The following TRAK2 variants were observed in gnomAD, a reference collection of about 807,000 sequenced individuals.
The protein encoded by TRAK2 is trafficking kinesin protein 2.
A neutral mutation model predicts 104.6 loss-of-function variants in TRAK2; 81 were observed. The observed-to-expected ratio is 0.77, with a 90% CI of 0.65 to 0.93. TRAK2 has a LOEUF of 0.93. TRAK2 is among the 40% of genes least tolerant of loss of function. The pLI, the probability that TRAK2 is intolerant of heterozygous loss-of-function variation, is 0.00. For synonymous variants in TRAK2, 406 were observed against 394.4 expected (o/e 1.03, Z -0.35); for missense variants, 1,002 against 1,089.0 (o/e 0.92, Z 1.12).
At chr2:201,384,058 G>A in intron 15 of TRAK2, 53 bp downstream of exon 15, 1 of 1,153,948 alleles carries the variant, frequency 8.7e-7, no homozygotes. Flanking sequence ...AGAAATTCAT[G>A]AAAATATAGC....
intron 12 of TRAK2, 70 bp from the exon 13 acceptor site, chr2:201,388,071 T>C (rs749751098): frequency 8.9e-6 from 13 of 1,457,444 alleles, no homozygotes; most frequent in Non-Finnish European, 1.2e-5. Context: ...CTCCTTTCTA[T>C]AATGGTAAGC....
chr2:201,451,139 G>A (rs1467141441), intron 1 of TRAK2, among the ~76,000 whole-genome samples: 1 of 152,220 alleles, frequency 6.6e-6, no homozygotes, highest in Non-Finnish European at 1.5e-5. Context: ...ACCGACGCCA[G>A]CGCCTAGCGC....
Position 201,411,766 on chromosome 2 carries a change from C to T in TRAK2, c.92-4169G>A. 4 of 788,350 alleles carry T rather than the reference C, an allele frequency of 5.1e-6. No homozygotes were observed. The South Asian group carries it at 5.4e-5, about 11-fold the overall frequency. 48.8% of individuals were successfully genotyped at this position (788,350 alleles called of 1,614,324 possible). On this transcript the variant is annotated intron_variant, in intron 2 of 15. Transcript: ENST00000332624. ...ATACCATCAAGTACCAACCACTTAT[C>T]CAAGTATTCCAAAATCTTTCCTAAG...
Position 201,410,628 on chromosome 2 carries a change from G to T in TRAK2, c.92-3031C>A, listed in dbSNP as rs1024367292. The stretch of plus-strand genomic sequence containing the variant: ...GTGGCTATGCAAAGTTCTGTGGGTT[G>T]AAGAAAGGATTACCCTGCATACCAA... On this transcript the variant is annotated intron_variant, in intron 2 of 15. Transcript: ENST00000332624. 25 of 1,295,390 alleles carry T rather than the reference G, an allele frequency of 1.9e-5. No homozygotes were observed. In the African/African-American group the frequency reaches 2.9e-4, roughly 15 times the overall value. 80.2% of individuals were successfully genotyped at this position (1,295,390 alleles called of 1,614,324 possible). A position where few individuals can be genotyped will look rare whatever the true frequency, so the allele number is the denominator to read the frequency against.
At chr2:201,441,945 G>A (rs1334261470) in intron 1 of TRAK2, among the ~76,000 whole-genome samples, 1 of 151,358 alleles carries the variant, frequency 6.6e-6, no homozygotes, top group Non-Finnish European at 1.5e-5. Flanking sequence ...ACCCACCTGG[G>A]CCTCCCAAAG....
At chr2:201,429,798 T>C (rs910558369) in intron 1 of TRAK2, among the ~76,000 whole-genome samples, 1 of 152,212 alleles carries the variant, frequency 6.6e-6, no homozygotes, top group Non-Finnish European at 1.5e-5. Context: ...TTCTTTGCGA[T>C]GGGTTCAAAC....
intron 2 of TRAK2, among the ~76,000 whole-genome samples, chr2:201,414,334 G>A (rs146766622): frequency 4.7e-4 from 71 of 152,282 alleles, no homozygotes; most frequent in Middle Eastern, 3.4e-3. Flanking sequence ...TTAAAATAGC[G>A]AAAGTACAGG....
In TRAK2 at chr2:201,441,064, G is replaced by A. The variant is rs186440519; in HGVS notation, c.-200+10286C>T. ...AATATCAATACACTGAGTTACAGAAGTAATTTAATGAACAAAGTTGATATT... is the reference window on the plus strand; with the variant it reads ...AATATCAATACACTGAGTTACAGAAATAATTTAATGAACAAAGTTGATATT... On this transcript the variant is annotated intron_variant, in intron 1 of 15. Coordinates refer to ENST00000332624, the MANE Select transcript of TRAK2 (RefSeq NM_015049.3). 3.3e-5 allele frequency among the ~76,000 whole-genome samples: 5 copies of A among 152,266 alleles called. No homozygotes were observed. The East Asian group carries it at 7.7e-4, about 23-fold the overall frequency.
chr2:201,393,034 G>T lies in TRAK2; in HGVS notation c.988C>A (p.Gln330Lys). 2 of 1,610,578 alleles carry T rather than the reference G, an allele frequency of 1.2e-6. No individual in the cohort carries two copies. The highest frequency in any genetic ancestry group is 1.7e-6 in the Non-Finnish European group (2 of 1,178,158). ...RQLTMELHEL[Q>K]DRNMECLGML... The stretch of plus-strand genomic sequence containing the variant: ...CCTAGACACTCCATATTCCTGTCTT[G>T]TAACTCGTGCAGCTAAAAGAAAGGA... The change falls in exon 10 of 16, where the codon CAA (glutamine) becomes AAA (lysine). Residue 330 changes from glutamine (Q) to lysine (K), a missense_variant. Physicochemically the swap from Gln to Lys is moderately conservative, Grantham distance 53. Transcript: ENST00000332624.
intron 2 of TRAK2, among the ~76,000 whole-genome samples, chr2:201,409,130 T>G (rs1214641657): frequency 6.6e-6 from 1 of 152,224 alleles, no homozygotes; most frequent in Non-Finnish European, 1.5e-5. Context: ...GTAAGTTACC[T>G]AAACTCTAAC....
chr2:201,445,497 A>C (rs923736689), intron 1 of TRAK2, among the ~76,000 whole-genome samples: 1 of 152,238 alleles, frequency 6.6e-6, no homozygotes, highest in African/African-American at 2.4e-5. Flanking sequence ...AAATCTAAGA[A>C]AATAAGATAG....
rs1202575678 is a variant in TRAK2, at chr2:201,442,283, C to T, written c.-200+9067G>A. On this transcript the variant is annotated intron_variant, in intron 1 of 15. Transcript: ENST00000332624. ...GTGGGCGCCTGTAGTCCCAGCTACT[C>T]GGGAGGCTGCGGCAGGAGAATGGCG... 4.0e-5 allele frequency among the ~76,000 whole-genome samples: 6 copies of T among 151,194 alleles called. No homozygotes were observed. The East Asian group carries it at 7.9e-4, about 20-fold the overall frequency.
At chr2:201,408,705 T>C (rs1951618249) in intron 2 of TRAK2, among the ~76,000 whole-genome samples, 1 of 152,256 alleles carries the variant, frequency 6.6e-6, no homozygotes. Context: ...GTGAAAGAGG[T>C]CTGATCTCAA....
Position 201,393,843 on chromosome 2 carries a change from G to A in TRAK2, c.976-797C>T, listed in dbSNP as rs1951471790. 2.0e-5 allele frequency among the ~76,000 whole-genome samples: 3 copies of A among 152,166 alleles called. No homozygotes were observed. In the South Asian group the frequency reaches 6.2e-4, roughly 31 times the overall value. On this transcript the variant is annotated intron_variant, in intron 9 of 15. Transcript: ENST00000332624. ...GCTCACTACAGTCTCAATCTTCTGGGCTTAAGTGATCCTTCTACCTCAGCC... is the reference window on the plus strand; with the variant it reads ...GCTCACTACAGTCTCAATCTTCTGGACTTAAGTGATCCTTCTACCTCAGCC...
rs1471677721 is a variant in TRAK2, at chr2:201,427,663, T to A, written c.-199-6957A>T. Among the ~76,000 whole-genome samples the A allele has an allele frequency of 3.9e-5, 6 of 152,316 alleles. No individual in the cohort carries two copies. In the South Asian group the frequency reaches 1.2e-3, roughly 32 times the overall value. ...GCATGTGTCTGTATAGCAGCATGAT[T>A]TATAATCCTTTGGGTATATACCCAG... On this transcript the variant is annotated intron_variant, in intron 1 of 15. Coordinates refer to ENST00000332624, the MANE Select transcript of TRAK2 (RefSeq NM_015049.3).
At chr2:201,385,459 A>C (rs1003156465) in intron 14 of TRAK2, among the ~76,000 whole-genome samples, 1 of 152,016 alleles carries the variant, frequency 6.6e-6, no homozygotes, top group African/African-American at 2.4e-5. Context: ...TACAGGTGTG[A>C]GCTACCACAC....
At chr2:201,417,241 C>CAAAAAAAAAAAAAAAAAA (rs61702415) in intron 2 of TRAK2, among the ~76,000 whole-genome samples, 113 of 88,360 alleles carry the variant, frequency 1.3e-3, no homozygotes, top group Middle Eastern at 0.014. Flanking sequence ...GAAGACATTG[C>CAAAAAAAAAAAAAAAAAA]AAAAAAAAAA....
intron 1 of TRAK2, among the ~76,000 whole-genome samples, chr2:201,433,963 CT>C (rs397942881): frequency 7.4e-4 from 108 of 146,548 alleles, no homozygotes; most frequent in Non-Finnish European, 6.8e-4. Flanking sequence ...CATAATCATT[CT>C]TTTTTTTTTT....
chr2:201,389,929 AAC>A (rs1951430527), intron 10 of TRAK2, 49 bp from the exon 11 acceptor site: 3 of 1,437,930 alleles, frequency 2.1e-6, no homozygotes, highest in East Asian at 4.5e-5. Context: ...CCCTTAAATT[AAC>A]AGAGTCTCTA....
Sources: allele counts gnomAD v4.1 joint callset (sites outside exome capture counted in the v4.1 genomes callset), GRCh38; gene constraint gnomAD v4.1.1; transcripts MANE v1.5; gene names NCBI Gene and HGNC (gene_info 2026-07-23, HGNC 2026-07-21).